The following UNC13C variants were observed in gnomAD, a reference collection of about 807,000 sequenced individuals.
UNC13C encodes the protein protein unc-13 homolog C.
A neutral mutation model predicts 245.4 loss-of-function variants in UNC13C; 174 were observed. The observed-to-expected ratio is 0.71, with a 90% CI of 0.63 to 0.80. The LOEUF (loss-of-function observed/expected upper bound fraction) is 0.80. Ranked by LOEUF, UNC13C falls within the 30% of genes least tolerant of loss-of-function variation. The pLI is 0.00. For missense variants in UNC13C, 2,829 were observed against 2,602.9 expected (o/e 1.09, Z -1.89); for synonymous variants, 992 against 895.1 (o/e 1.11, Z -1.93).
the UNC13C span, among the ~76,000 whole-genome samples, chr15:53,839,591 A>G: frequency 1.3e-5 from 2 of 152,100 alleles, no homozygotes; most frequent in Non-Finnish European, 2.9e-5. Context: ...TATAAACAGT[A>G]TATGAATTTT....
intron 30 of UNC13C, among the ~76,000 whole-genome samples, chr15:54,604,368 A>G (rs1899634380): frequency 6.8e-6 from 1 of 147,290 alleles, no homozygotes; most frequent in Non-Finnish European, 1.5e-5. Flanking sequence ...GAAGTTTGAA[A>G]TTACTTTTTT....
intron 18 of UNC13C, among the ~76,000 whole-genome samples, chr15:54,409,918 A>T (rs1052081382): frequency 1.9e-4 from 29 of 152,202 alleles, no homozygotes; most frequent in Non-Finnish European, 3.4e-4. Context: ...GTTAAATGGT[A>T]GTTGTATTTT....
At chr15:54,116,122 C>T (rs1428839775) in intron 2 of UNC13C, among the ~76,000 whole-genome samples, 3 of 151,966 alleles carry the variant, frequency 2.0e-5, no homozygotes, top group Admixed American at 1.3e-4. Context: ...ACCTACCCTT[C>T]CCAGAATTTT....
chr15:53,873,558 G>A, the UNC13C span, among the ~76,000 whole-genome samples: 1 of 152,208 alleles, frequency 6.6e-6, no homozygotes, highest in African/African-American at 2.4e-5. Context: ...TCAGCTCAAA[G>A]AGGCTCAGAA....
chr15:53,945,776 T>G, the UNC13C span, among the ~76,000 whole-genome samples: 12 of 152,278 alleles, frequency 7.9e-5, no homozygotes, highest in African/African-American at 2.9e-4. Context: ...TTCCTAGTTA[T>G]GTGAATAATA....
rs1224649822 is a variant in UNC13C at position 54,600,888 on chromosome 15, A to C, written c.6107-21439A>C. ...TCTCAGGTAATCTATAGTCTAATGC[A>C]TGGGTGTCCAATCTTTTGACTTCCC... On this transcript the variant is annotated intron_variant, in intron 30 of 32. Coordinates refer to ENST00000260323, the MANE Select transcript of UNC13C (RefSeq NM_001080534.3). Among the ~76,000 whole-genome samples the C allele has an allele frequency of 2.6e-5, 4 of 152,122 alleles. No individual in the cohort carries two copies. In the East Asian group the frequency reaches 7.7e-4, roughly 29 times the overall value.
At chr15:54,102,028 T>C (rs954129951) in intron 2 of UNC13C, among the ~76,000 whole-genome samples, 2 of 149,964 alleles carry the variant, frequency 1.3e-5, no homozygotes, top group Non-Finnish European at 3.0e-5. Flanking sequence ...ATATGTATTA[T>C]CTCATTTGAC....
At chr15:53,982,117 C>A (rs1370715730) in intron 1 of UNC13C, among the ~76,000 whole-genome samples, 1 of 152,086 alleles carries the variant, frequency 6.6e-6, no homozygotes, top group African/African-American at 2.4e-5. Context: ...AAAAGATGGG[C>A]TTCCCTTTCA....
intron 17 of UNC13C, among the ~76,000 whole-genome samples, chr15:54,375,395 A>G (rs1363489342): frequency 6.6e-6 from 1 of 152,214 alleles, no homozygotes; most frequent in African/African-American, 2.4e-5. Flanking sequence ...GAGTAATGCT[A>G]TTGTTTAATG....
At chr15:54,506,642 A>T (rs1894488043) in intron 22 of UNC13C, among the ~76,000 whole-genome samples, 1 of 151,880 alleles carries the variant, frequency 6.6e-6, no homozygotes, top group African/African-American at 2.4e-5. Flanking sequence ...TATAAATTAA[A>T]CATCTCTTCT....
chr15:53,929,058 A>G, the UNC13C span, among the ~76,000 whole-genome samples: 2 of 152,164 alleles, frequency 1.3e-5, no homozygotes, highest in Non-Finnish European at 2.9e-5. Flanking sequence ...GGTAATTTAT[A>G]AAGGAAAGAG....
the UNC13C span, among the ~76,000 whole-genome samples, chr15:53,922,672 A>C: frequency 6.1e-4 from 93 of 152,350 alleles, no homozygotes; most frequent in African/African-American, 2.2e-3. Context: ...ATGCTTACGT[A>C]TTACAGAGGA....
At chr15:54,485,191 C>T (rs1343749595) in intron 19 of UNC13C, among the ~76,000 whole-genome samples, 1 of 152,114 alleles carries the variant, frequency 6.6e-6, no homozygotes, top group Non-Finnish European at 1.5e-5. Context: ...CACTTCATTC[C>T]CAGTAAGACC....
chr15:54,596,601 T>A (rs936401880), intron 30 of UNC13C, among the ~76,000 whole-genome samples: 2 of 152,120 alleles, frequency 1.3e-5, no homozygotes, highest in Non-Finnish European at 2.9e-5. Flanking sequence ...GGGGATATCA[T>A]TTGAATATTT....
chr15:54,118,146 C>T (rs1897078), intron 2 of UNC13C, among the ~76,000 whole-genome samples: 54,744 of 151,424 alleles, frequency 0.36, 10,049 homozygotes, highest in African/African-American at 0.41. Flanking sequence ...TGAGTTCTTA[C>T]GTGGTTCCAT....
chr15:54,538,222 C>T (rs892209405), intron 26 of UNC13C, among the ~76,000 whole-genome samples: 8 of 135,390 alleles, frequency 5.9e-5, no homozygotes, highest in Non-Finnish European at 1.1e-4. Context: ...GACATACAAG[C>T]AGCTAACAAG....
downstream of UNC13C, chr15:54,630,815 G>T (rs1352251790): frequency 6.8e-6 from 1 of 147,280 alleles, no homozygotes; most frequent in African/African-American, 2.6e-5. Context: ...ATTCCAATTT[G>T]CGAATGTTAA....
chr15:53,904,159 TG>T, the UNC13C span, among the ~76,000 whole-genome samples: 1 of 152,176 alleles, frequency 6.6e-6, no homozygotes, highest in Non-Finnish European at 1.5e-5. Flanking sequence ...ACTCTTTGGT[TG>T]GGGAAAACTG....
At chr15:54,050,336 C>T in intron 2 of UNC13C, 1 of 573,744 alleles carries the variant, frequency 1.7e-6, no homozygotes. Context: ...ATCAGGACCC[C>T]ACACTACTGA....
Sources: allele counts gnomAD v4.1 joint callset (sites outside exome capture counted in the v4.1 genomes callset), GRCh38; gene constraint gnomAD v4.1.1; transcripts MANE v1.5; gene names NCBI Gene and HGNC (gene_info 2026-07-23, HGNC 2026-07-21).